The following STS variants were observed in gnomAD, a reference collection of about 807,000 sequenced individuals.
The protein encoded by STS is steroid sulfatase, also known as steryl-sulfatase.
In STS, 7 loss-of-function variants were observed where a neutral mutation model predicts 26.8. The ratio of observed to expected loss-of-function variants is 0.26; its 90% CI spans 0.15 to 0.49. STS has a LOEUF of 0.49. Among genes scored for constraint, STS ranks in the 20% least tolerant of loss-of-function variants. STS has a pLI of 0.98. For synonymous variants in STS, 199 were observed against 189.4 expected (o/e 1.05, Z -0.42); for missense variants, 434 against 465.6 (o/e 0.93, Z 0.63).
intron 2 of STS, among the ~76,000 whole-genome samples, chrX:7,231,836 T>A (rs1922074314): frequency 1.7e-5 from 1 of 57,859 alleles, no homozygotes; most frequent in South Asian, 1.1e-3. Flanking sequence ...TAAATCTGCT[T>A]TTTTTTTTTT....
intron 6 of STS, among the ~76,000 whole-genome samples, chrX:7,260,963 A>T (rs2147091607): frequency 9.0e-6 from 1 of 111,437 alleles, no homozygotes; most frequent in South Asian, 3.8e-4. Flanking sequence ...AATAACCATC[A>T]ACAGTGGAGC....
At chrX:7,168,109 C>T (rs764079855) in intron 1 of STS, among the ~76,000 whole-genome samples, 2 of 110,985 alleles carry the variant, frequency 1.8e-5, no homozygotes, top group South Asian at 7.7e-4. Flanking sequence ...TCATTTCCAC[C>T]CTCACTCAAG....
chrX:7,215,817 G>T (rs1016662826), intron 2 of STS, among the ~76,000 whole-genome samples: 3 of 111,851 alleles, frequency 2.7e-5, no homozygotes, highest in Non-Finnish European at 5.6e-5. Context: ...GGCCTGAGTG[G>T]TACCAGCCTC....
At chrX:7,201,515 T>C in intron 2 of STS, among the ~76,000 whole-genome samples, 1 of 110,827 alleles carries the variant, frequency 9.0e-6, no homozygotes, top group East Asian at 2.9e-4. Context: ...TCATTATTAT[T>C]ATAGAGAAGG....
chrX:7,343,487 T>C (rs1264833578), intron 10 of STS, among the ~76,000 whole-genome samples: 2 of 112,122 alleles, frequency 1.8e-5, no homozygotes, highest in East Asian at 5.6e-4. Flanking sequence ...GCATCACATA[T>C]AGGAACCAAT....
At chrX:7,150,749 A>C (rs1932996064) in intron 1 of STS, among the ~76,000 whole-genome samples, 1 of 111,737 alleles carries the variant, frequency 8.9e-6, no homozygotes, top group African/African-American at 3.3e-5. Flanking sequence ...TTAAAAAAAA[A>C]AAAACAAACT....
rs1928669611 is a variant in STS at position 7,349,315 on chromosome X, C to CTTTTT, written c.1364-573_1364-572insTTTTT. ...CGCTGCACTCGGCCCTCATTTAATT[C>CTTTTT]CTTTTTTTTTTTTTTTTTTTTTTTT... On this transcript the variant is annotated intron_variant, in intron 10 of 10. Transcript: ENST00000674429. Among the ~76,000 whole-genome samples, 3 of 20,285 alleles carry CTTTTT rather than the reference C, an allele frequency of 1.5e-4. 1 individual carries two copies. Among genetic ancestry groups the CTTTTT allele is most frequent in the African/African-American group, 5.3e-4 (3 of 5,711 alleles). 17.6% of individuals were successfully genotyped at this position (20,285 alleles called of 115,157 possible).
chrX:7,314,607 T>C (rs1926629506), intron 8 of STS, among the ~76,000 whole-genome samples: 1 of 113,128 alleles, frequency 8.8e-6, no homozygotes, highest in African/African-American at 3.2e-5. Context: ...TTTGATTGCA[T>C]TGGCTTCAGT....
chrX:7,283,077 T>A (rs151274068), intron 7 of STS, among the ~76,000 whole-genome samples: 50 of 112,109 alleles, frequency 4.5e-4, no homozygotes, highest in African/African-American at 1.6e-3. Flanking sequence ...CTATACAGAG[T>A]CTAGCCTGGA....
At chrX:7,293,597 A>G (rs922567531) in intron 7 of STS, among the ~76,000 whole-genome samples, 2 of 111,196 alleles carry the variant, frequency 1.8e-5, no homozygotes, top group Non-Finnish European at 3.8e-5. Flanking sequence ...TTTTTCTTCC[A>G]TCATCCTATT....
intron 9 of STS, among the ~76,000 whole-genome samples, chrX:7,331,317 C>A (rs1355459860): frequency 9.0e-6 from 1 of 111,162 alleles, no homozygotes; most frequent in African/African-American, 3.3e-5. Context: ...TGCAAACAAC[C>A]TGTTAATAGC....
intron 2 of STS, among the ~76,000 whole-genome samples, chrX:7,233,680 C>T (rs192166624): frequency 1.4e-4 from 16 of 111,840 alleles, no homozygotes; most frequent in African/African-American, 4.9e-4. Flanking sequence ...TATGAGACAG[C>T]TTGTTCAGGG....
At chrX:7,204,783 C>T (rs184139977) in intron 2 of STS, among the ~76,000 whole-genome samples, 1,776 of 102,869 alleles carry the variant, frequency 0.017, 48 homozygotes, top group African/African-American at 0.061. Flanking sequence ...TCCCTCTTTC[C>T]TCCTAACTTC....
At chrX:7,270,698 A>G (rs1380317320) in intron 6 of STS, among the ~76,000 whole-genome samples, 5 of 111,911 alleles carry the variant, frequency 4.5e-5, no homozygotes, top group Non-Finnish European at 9.4e-5. Flanking sequence ...AACAAGTTCC[A>G]TAAATATGTG....
At chrX:7,198,778 G>A (rs1302445825) in intron 2 of STS, among the ~76,000 whole-genome samples, 1 of 112,424 alleles carries the variant, frequency 8.9e-6, no homozygotes, top group Non-Finnish European at 1.9e-5. Flanking sequence ...CCCTGTCTGG[G>A]GTTTCACAAA....
rs1300142080 is a variant in STS at position 7,303,377 on chromosome X, A to C, written c.944-1669A>C. Among the ~76,000 whole-genome samples the C allele has an allele frequency of 1.8e-4, 20 of 111,196 alleles. 1 individual carries two copies. On this transcript the variant is annotated intron_variant, in intron 7 of 10. Transcript: ENST00000674429. ...ATACAGCAGGTTACTAAACCAGTACAAAAAATAGCTTGAGAGAGCTCGGAA... is the reference window on the plus strand; with the variant it reads ...ATACAGCAGGTTACTAAACCAGTACCAAAAATAGCTTGAGAGAGCTCGGAA...
intron 2 of STS, among the ~76,000 whole-genome samples, chrX:7,215,101 A>G (rs1403840002): frequency 6.3e-5 from 5 of 79,569 alleles, no homozygotes; most frequent in African/African-American, 2.7e-4. Context: ...ATATGTGTAT[A>G]TATATACACA....
intron 6 of STS, 22 bp from the exon 7 acceptor site, chrX:7,275,929 C>CTTTTTTTTTTTT: frequency 9.3e-7 from 1 of 1,077,990 alleles, no homozygotes; most frequent in Non-Finnish European, 1.2e-6. Flanking sequence ...TTTTTCCTCC[C>CTTTTTTTTTTTT]TTTTTTTTTT....
At chrX:7,257,137 G>A (rs1346719003) in intron 3 of STS, 105 bp from the exon 4 acceptor site, 33 of 1,082,507 alleles carry the variant, frequency 3.0e-5, no homozygotes, top group East Asian at 6.2e-5. Flanking sequence ...CCGAGATTGC[G>A]CCACTGCACT....
Sources: gnomAD v4.1 joint callset for allele counts (sites outside exome capture counted in the v4.1 genomes callset) on GRCh38, gnomAD v4.1.1 for gene constraint, MANE v1.5 for transcripts, NCBI Gene and HGNC (gene_info 2026-07-23, HGNC 2026-07-21) for gene names.